The following TTLL5 variants were observed in gnomAD, a reference collection of about 807,000 sequenced individuals.
The protein encoded by TTLL5 is tubulin polyglutamylase TTLL5.
TTLL5 carries 132 observed loss-of-function variants against 168.4 expected under a neutral mutation model. The observed-to-expected ratio is 0.78, with a 90% CI of 0.68 to 0.91. The LOEUF (loss-of-function observed/expected upper bound fraction) is 0.91, where lower values mean the gene tolerates loss of function less well. Ranked by LOEUF, TTLL5 falls within the 40% of genes least tolerant of loss-of-function variation. The probability of loss-of-function intolerance (pLI) is 0.00; values close to 1 mark genes in which losing one functional copy is unlikely to be tolerated. For synonymous variants in TTLL5, 546 were observed against 558.6 expected (o/e 0.98, Z 0.32); for missense variants, 1,545 against 1,581.5 (o/e 0.98, Z 0.39).
In TTLL5 at chr14:75,778,345, GAC is replaced by G. The variant is rs1891844196; in HGVS notation, c.2388-1228_2388-1227del. ...TAAATTCAAATACTTGCTGGAGTCA[GAC>G]AGGAAAACATAAATTATGAAGTGGG... On this transcript the variant is annotated intron_variant, in intron 23 of 31. Coordinates refer to ENST00000298832, the MANE Select transcript of TTLL5 (RefSeq NM_015072.5). Among the ~76,000 whole-genome samples, 4 of 152,304 alleles carry G rather than the reference GAC, an allele frequency of 2.6e-5. No homozygotes were observed. In the South Asian group the frequency reaches 8.3e-4, roughly 32 times the overall value.
chr14:75,900,609 G>T (rs536836911), intron 30 of TTLL5, among the ~76,000 whole-genome samples: 1 of 152,126 alleles, frequency 6.6e-6, no homozygotes, highest in African/African-American at 2.4e-5. Context: ...CTGCCTGACT[G>T]TCCCCACCCC....
At chr14:75,777,927 G>C (rs779964902) in intron 23 of TTLL5, among the ~76,000 whole-genome samples, 13 of 151,002 alleles carry the variant, frequency 8.6e-5, no homozygotes, top group East Asian at 1.9e-4. Context: ...TGATAAAACA[G>C]GTATAGTAAC....
At chr14:75,882,997 G>A (rs2031899040) in intron 30 of TTLL5, 95 bp downstream of exon 30, 11 of 1,327,926 alleles carry the variant, frequency 8.3e-6, no homozygotes, top group Non-Finnish European at 1.1e-5. Flanking sequence ...TCGTACTGAA[G>A]TACTGGAAAC....
intron 1 of TTLL5, among the ~76,000 whole-genome samples, chr14:75,661,888 A>G (rs1460786490): frequency 6.6e-6 from 1 of 151,770 alleles, no homozygotes; most frequent in South Asian, 2.1e-4. Flanking sequence ...TGTCTTATTT[A>G]CAGTCTCATC....
chr14:75,771,926 T>C lies in TTLL5; in HGVS notation c.2136+72T>C, dbSNP rs536581516. ...TTCTTTCTGTATTTTTTTTTTTTTT[T>C]CCTATTAGGGTAAAGTGCGATATTT... On this transcript the variant is annotated intron_variant, in intron 21 of 31. Coordinates refer to ENST00000298832, the MANE Select transcript of TTLL5 (RefSeq NM_015072.5). 1.2e-4 allele frequency: 117 copies of C among 978,108 alleles called. 1 individual carries two copies. The highest frequency in any genetic ancestry group is 1.0e-3 in the East Asian group (39 of 39,168). 60.6% of individuals were successfully genotyped at this position (978,108 alleles called of 1,614,324 possible).
rs142460604 is a variant in TTLL5, at chr14:75,944,802, T to C, written c.3824-9622T>C. 4.3e-4 allele frequency among the ~76,000 whole-genome samples: 66 copies of C among 152,236 alleles called. No individual in the cohort carries two copies. In the East Asian group the frequency reaches 0.012, roughly 28 times the overall value. The stretch of plus-strand genomic sequence containing the variant: ...ATAGGAAAAACCTGAAACTAGTGAT[T>C]AGTAGCTTCCTGATAAGATCTCAGG... On this transcript the variant is annotated intron_variant, in intron 31 of 31. Transcript: ENST00000298832.
At chr14:75,755,451 C>A (rs906577186) in intron 18 of TTLL5, among the ~76,000 whole-genome samples, 46 of 151,992 alleles carry the variant, frequency 3.0e-4, no homozygotes, top group Non-Finnish European at 1.0e-4. Context: ...TTTGGAATGG[C>A]CTTCAATCCA....
intron 7 of TTLL5, among the ~76,000 whole-genome samples, chr14:75,701,855 T>G (rs1481954391): frequency 6.6e-6 from 1 of 152,230 alleles, no homozygotes; most frequent in South Asian, 2.1e-4. Context: ...CTTTTCTGGC[T>G]TCTTTTACTT....
chr14:75,793,147 GAATT>G, intron 27 of TTLL5, 47 bp downstream of exon 27: 2 of 1,468,618 alleles, frequency 1.4e-6, no homozygotes, highest in Non-Finnish European at 1.8e-6. Context: ...CCTGAGGATA[GAATT>G]AATGACAGGG....
intron 6 of TTLL5, among the ~76,000 whole-genome samples, chr14:75,698,254 A>G (rs912897242): frequency 2.0e-5 from 3 of 152,176 alleles, no homozygotes; most frequent in African/African-American, 7.2e-5. Context: ...AGCCTCTGGG[A>G]GGCTTAGTGT....
At chr14:75,882,416 G>A (rs1371438055) in intron 29 of TTLL5, among the ~76,000 whole-genome samples, 3 of 152,166 alleles carry the variant, frequency 2.0e-5, no homozygotes, top group South Asian at 4.1e-4. Context: ...TCTAATTCAC[G>A]CATGTGGACC....
chr14:75,669,617 C>A, intron 3 of TTLL5, 95 bp downstream of exon 3: 2 of 965,240 alleles, frequency 2.1e-6, no homozygotes, highest in Admixed American at 2.9e-5. Flanking sequence ...AGGGAAAGGG[C>A]CTTGGCCATG....
chr14:75,730,670 G>C (rs1169922182), intron 12 of TTLL5, among the ~76,000 whole-genome samples: 2 of 151,830 alleles, frequency 1.3e-5, no homozygotes, highest in African/African-American at 4.8e-5. Flanking sequence ...ATCTCAGAGA[G>C]AGAAATGATT....
At chr14:75,927,254 A>G (rs2034104334) in intron 31 of TTLL5, among the ~76,000 whole-genome samples, 1 of 152,208 alleles carries the variant, frequency 6.6e-6, no homozygotes, top group Non-Finnish European at 1.5e-5. Context: ...TTACAAAACA[A>G]TCCAATTATA....
chr14:75,706,500 A>G (rs924871441), intron 7 of TTLL5, among the ~76,000 whole-genome samples: 1 of 152,208 alleles, frequency 6.6e-6, no homozygotes, highest in Admixed American at 6.5e-5. Flanking sequence ...GTTGCTTAGC[A>G]AATACCCTTA....
intron 29 of TTLL5, among the ~76,000 whole-genome samples, chr14:75,866,250 A>G (rs1328382562): frequency 6.6e-6 from 1 of 152,188 alleles, no homozygotes; most frequent in Non-Finnish European, 1.5e-5. Flanking sequence ...GACCATTATA[A>G]TTATCACTAA....
At chr14:75,775,389 C>T in intron 21 of TTLL5, 95 bp from the exon 22 acceptor site, 3 of 1,375,754 alleles carry the variant, frequency 2.2e-6, no homozygotes, top group South Asian at 2.8e-5. Flanking sequence ...TATATGTCTT[C>T]TTCCATCTCT....
At chr14:75,920,682 T>G (rs1007566019) in intron 31 of TTLL5, among the ~76,000 whole-genome samples, 1 of 152,252 alleles carries the variant, frequency 6.6e-6, no homozygotes, top group Non-Finnish European at 1.5e-5. Context: ...AAGTCTTTGC[T>G]GTTGTGAATA....
chr14:75,886,955 G>T, intron 30 of TTLL5: 1 of 1,415,988 alleles, frequency 7.1e-7, no homozygotes, highest in Non-Finnish European at 9.1e-7. Context: ...TTGTAACCTG[G>T]GAGACTTCTC....
Sources: allele counts gnomAD v4.1 joint callset (sites outside exome capture counted in the v4.1 genomes callset), GRCh38; gene constraint gnomAD v4.1.1; transcripts MANE v1.5; gene names NCBI Gene and HGNC (gene_info 2026-07-23, HGNC 2026-07-21).